Variants in EEIG1 observed in about 807,000 individuals in gnomAD.
The protein encoded by EEIG1 is early estrogen-induced gene 1 protein.
the EEIG1 span, among the ~76,000 whole-genome samples, chr9:127,977,177 C>G: frequency 6.6e-6 from 1 of 152,226 alleles, no homozygotes; most frequent in Non-Finnish European, 1.5e-5. Flanking sequence ...ACTAACTGCC[C>G]AGCTTTGCGA....
chr9:127,975,396 G>A, the EEIG1 span, among the ~76,000 whole-genome samples: 1 of 152,186 alleles, frequency 6.6e-6, no homozygotes, highest in African/African-American at 2.4e-5. Flanking sequence ...GCCAGAAGAG[G>A]GGCCTCCAAG....
chr9:127,979,269 C>A, the EEIG1 span, among the ~76,000 whole-genome samples: 1 of 152,214 alleles, frequency 6.6e-6, no homozygotes, highest in African/African-American at 2.4e-5. Flanking sequence ...GTCCAAGGCT[C>A]TTCGGAGACA....
the EEIG1 span, among the ~76,000 whole-genome samples, chr9:127,964,440 G>A: frequency 6.6e-6 from 1 of 152,350 alleles, no homozygotes; most frequent in Middle Eastern, 3.4e-3. Context: ...GGTGCCGTAG[G>A]GCTGTGGGAG....
At chr9:127,957,180 G>T in the EEIG1 span, among the ~76,000 whole-genome samples, 1 of 151,990 alleles carries the variant, frequency 6.6e-6, no homozygotes, top group Non-Finnish European at 1.5e-5. Context: ...AGTGAGCCAA[G>T]ATCAAACCAC....
the EEIG1 span, chr9:127,941,770 AG>A: frequency 6.6e-6 from 1 of 152,146 alleles, no homozygotes; most frequent in Non-Finnish European, 1.5e-5. Context: ...TGCTGGAACC[AG>A]CCGGCAGGTG....
the EEIG1 span, among the ~76,000 whole-genome samples, chr9:127,965,659 G>A: frequency 1.3e-5 from 2 of 152,068 alleles, no homozygotes; most frequent in Admixed American, 6.5e-5. Flanking sequence ...GCAAAGTGAT[G>A]CAATCAGAGT....
chr9:127,956,433 G>A, the EEIG1 span, among the ~76,000 whole-genome samples: 1 of 152,130 alleles, frequency 6.6e-6, no homozygotes, highest in Non-Finnish European at 1.5e-5. Flanking sequence ...TTTTTGAGAT[G>A]GAGTTTCGCT....
chr9:127,964,829 C>T, the EEIG1 span, among the ~76,000 whole-genome samples: 1 of 152,120 alleles, frequency 6.6e-6, no homozygotes. Flanking sequence ...CAGCCAGGCG[C>T]GGTGGCTCAC....
chr9:127,949,695 C>T, the EEIG1 span, among the ~76,000 whole-genome samples: 2 of 152,360 alleles, frequency 1.3e-5, no homozygotes, highest in East Asian at 3.9e-4. Flanking sequence ...CCCAGCTCTG[C>T]TCCAGATACC....
the EEIG1 span, chr9:127,953,569 T>C: frequency 1.2e-6 from 2 of 1,613,688 alleles, no homozygotes; most frequent in Non-Finnish European, 1.7e-6. Flanking sequence ...ACACAGCCCC[T>C]CTTACCTTGG....
the EEIG1 span, among the ~76,000 whole-genome samples, chr9:127,951,032 G>C: frequency 2.6e-5 from 4 of 152,232 alleles, no homozygotes; most frequent in Non-Finnish European, 5.9e-5. Context: ...GTAGAGGACA[G>C]AGTGAGGGGC....
chr9:127,977,078 A>C, the EEIG1 span, among the ~76,000 whole-genome samples: 1 of 152,128 alleles, frequency 6.6e-6, no homozygotes, highest in Non-Finnish European at 1.5e-5. Context: ...GCAAACACCA[A>C]AGCAGCTCTA....
chr9:127,961,434 G>C, the EEIG1 span, among the ~76,000 whole-genome samples: 2 of 152,214 alleles, frequency 1.3e-5, no homozygotes, highest in African/African-American at 4.8e-5. Context: ...TTGGGAGCTG[G>C]CCAGGTCAGG....
chr9:127,948,498 G>T, the EEIG1 span: 1 of 1,389,972 alleles, frequency 7.2e-7, no homozygotes, highest in Non-Finnish European at 1.0e-6. Flanking sequence ...TTCGGCTCTG[G>T]CCTCAGAAGG....
chr9:127,975,102 G>A, the EEIG1 span, among the ~76,000 whole-genome samples: 1 of 152,246 alleles, frequency 6.6e-6, no homozygotes, highest in Non-Finnish European at 1.5e-5. Flanking sequence ...GGCGGGTGAG[G>A]GACCAGGGGG....
chr9:127,980,694 C>G, the EEIG1 span, among the ~76,000 whole-genome samples: 3 of 150,086 alleles, frequency 2.0e-5, no homozygotes, highest in Non-Finnish European at 4.5e-5. Flanking sequence ...GGGGCACCCC[C>G]AGGGGGCTGC....
chr9:127,953,716 C>T, the EEIG1 span: 3 of 1,609,424 alleles, frequency 1.9e-6, no homozygotes, highest in Non-Finnish European at 2.6e-6. Flanking sequence ...GGCAGAGCAA[C>T]TCACCCCATT....
the EEIG1 span, chr9:127,948,133 C>T: frequency 1.2e-6 from 2 of 1,613,634 alleles, no homozygotes; most frequent in African/African-American, 1.3e-5. Flanking sequence ...GTTGGTGCTG[C>T]TGCCCCCACT....
the EEIG1 span, among the ~76,000 whole-genome samples, chr9:127,956,996 G>A: frequency 1.3e-5 from 2 of 152,194 alleles, no homozygotes; most frequent in Non-Finnish European, 2.9e-5. Flanking sequence ...TTACAGGCAT[G>A]GGCCACAATG....
Sources: allele counts gnomAD v4.1 joint callset (sites outside exome capture counted in the v4.1 genomes callset), GRCh38; gene constraint gnomAD v4.1.1; transcripts MANE v1.5; gene names NCBI Gene and HGNC (gene_info 2026-07-23, HGNC 2026-07-21).